AGBL1: variants seen among roughly 807,000 people sequenced by gnomAD.
The protein encoded by AGBL1 is cytosolic carboxypeptidase 4.
A neutral mutation model predicts 118.9 loss-of-function variants in AGBL1; 130 were observed. That is an observed-to-expected ratio of 1.09 (90% confidence interval 0.95 to 1.26). The LOEUF is 1.26. Among genes scored for constraint, AGBL1 ranks in the 50% most tolerant of loss-of-function variants. The probability of loss-of-function intolerance (pLI) is 0.00; values close to 1 mark genes in which losing one functional copy is unlikely to be tolerated. For missense variants in AGBL1, 1,584 were observed against 1,298.1 expected (o/e 1.22, Z -3.38); for synonymous variants, 555 against 478.9 (o/e 1.16, Z -2.08).
At chr15:86,091,496 T>G (rs1896022206) in intron 1 of AGBL1, among the ~76,000 whole-genome samples, 1 of 152,230 alleles carries the variant, frequency 6.6e-6, no homozygotes, top group African/African-American at 2.4e-5. Flanking sequence ...CATTTCTGTC[T>G]GCCTATGCAG....
rs1272552073 is a variant in AGBL1 at position 86,635,015 on chromosome 15, G to A, written c.2995-39258G>A. On this transcript the variant is annotated intron_variant, in intron 21 of 22. Coordinates refer to ENST00000614907, the MANE Select transcript of AGBL1 (RefSeq NM_001386094.1). ...CCACTAGATGTATATTGAAAAATGA[G>A]GACATTCTGCATAAACAAAACTGAT... Among the ~76,000 whole-genome samples, 10 of 152,004 alleles carry A rather than the reference G, an allele frequency of 6.6e-5. No homozygotes were observed. The East Asian group carries it at 1.7e-3, about 27-fold the overall frequency.
intron 22 of AGBL1, among the ~76,000 whole-genome samples, chr15:86,709,692 T>C (rs1009668288): frequency 1.3e-5 from 2 of 152,176 alleles, no homozygotes; most frequent in African/African-American, 4.8e-5. Flanking sequence ...AGGTATTTGA[T>C]CTATGGGAAG....
chr15:86,588,013 T>G (rs1845087605), intron 21 of AGBL1, among the ~76,000 whole-genome samples: 1 of 152,182 alleles, frequency 6.6e-6, no homozygotes, highest in Admixed American at 6.6e-5. Context: ...TGGAAAGGAT[T>G]ACTAATAACT....
chr15:86,192,411 A>T lies in AGBL1; in HGVS notation c.489-32503A>T, dbSNP rs2077737885. Among the ~76,000 whole-genome samples the T allele has an allele frequency of 2.0e-5, 3 of 151,814 alleles. No homozygotes were observed. The South Asian group carries it at 6.2e-4, about 31-fold the overall frequency. On this transcript the variant is annotated intron_variant, in intron 5 of 22. Transcript: ENST00000614907. ...TATAGTTTAAAACATGAATCCAATA[A>T]TGCAATGTACATACATATGTGTATG...
chr15:86,808,854 C>T (rs988458913), intron 22 of AGBL1, among the ~76,000 whole-genome samples: 4 of 151,836 alleles, frequency 2.6e-5, no homozygotes, highest in Non-Finnish European at 5.9e-5. Flanking sequence ...TGTCTCTCTG[C>T]TTTCCTTATC....
At position 86,892,776 on chromosome 15, in the gene AGBL1, T is replaced by C. The variant is rs1247950551; in HGVS notation, c.3159-14311T>C. Among the ~76,000 whole-genome samples the C allele has an allele frequency of 2.0e-5, 3 of 152,274 alleles. No homozygotes were observed. The East Asian group carries it at 5.8e-4, about 29-fold the overall frequency. ...GAAAAAAAAACCGGAGAGTAATAAA[T>C]TATGTCCTTCCTCTTAAATGTGTTA... On this transcript the variant is annotated intron_variant, in intron 22 of 22. Transcript: ENST00000614907.
chr15:86,600,070 A>G (rs2084470331), intron 21 of AGBL1, among the ~76,000 whole-genome samples: 1 of 152,146 alleles, frequency 6.6e-6, no homozygotes, highest in Non-Finnish European at 1.5e-5. Flanking sequence ...TAATTTTTGA[A>G]TAGTAAAAAG....
intron 17 of AGBL1, among the ~76,000 whole-genome samples, chr15:86,375,486 A>G (rs1181934975): frequency 1.3e-5 from 2 of 152,060 alleles, no homozygotes; most frequent in Non-Finnish European, 2.9e-5. Flanking sequence ...ACAGTTCAAG[A>G]TGAGATTTGG....
chr15:86,575,337 A>G (rs1159308332), intron 21 of AGBL1, among the ~76,000 whole-genome samples: 1 of 151,302 alleles, frequency 6.6e-6, no homozygotes, highest in African/African-American at 2.4e-5. Flanking sequence ...TGTCTCTATC[A>G]AAAAATCAAA....
rs191184487 is a variant in AGBL1 at position 86,623,504 on chromosome 15, A to G, written c.2995-50769A>G. On this transcript the variant is annotated intron_variant, in intron 21 of 22. Coordinates refer to ENST00000614907, the MANE Select transcript of AGBL1 (RefSeq NM_001386094.1). ...CGTTTTCCAACTCTAGGTTCTCTCT[A>G]CTGCCATTCTCTTTGTTCACTACCC... Among the ~76,000 whole-genome samples, 291 of 152,292 alleles carry G rather than the reference A, an allele frequency of 1.9e-3. 2 individuals carry two copies. Among genetic ancestry groups the G allele is most frequent in the Admixed American group, 3.7e-3 (56 of 15,286 alleles).
At chr15:86,271,781 T>C in intron 15 of AGBL1, 75 bp downstream of exon 15, 1 of 1,361,588 alleles carries the variant, frequency 7.3e-7, no homozygotes, top group Non-Finnish European at 1.0e-6. Context: ...TCCATATTGA[T>C]CTTATAAACA....
At chr15:86,814,086 A>C (rs2078827407) in intron 22 of AGBL1, among the ~76,000 whole-genome samples, 1 of 152,132 alleles carries the variant, frequency 6.6e-6, no homozygotes, top group Admixed American at 6.5e-5. Flanking sequence ...GACTGGTACC[A>C]GTCTGGTCCA....
downstream of AGBL1, among the ~76,000 whole-genome samples, chr15:86,916,908 C>T (rs558092921): frequency 5.9e-5 from 9 of 152,184 alleles, no homozygotes; most frequent in South Asian, 8.3e-4. Flanking sequence ...AGAGCAGTGC[C>T]GTTGATATCC....
At chr15:86,467,244 G>C (rs980918020) in intron 18 of AGBL1, among the ~76,000 whole-genome samples, 1 of 152,090 alleles carries the variant, frequency 6.6e-6, no homozygotes, top group Non-Finnish European at 1.5e-5. Context: ...CGCCCAGTCC[G>C]AACTTCCTGA....
chr15:86,248,555 A>G (rs1040060126), intron 7 of AGBL1, among the ~76,000 whole-genome samples: 16 of 152,160 alleles, frequency 1.1e-4, no homozygotes, highest in Non-Finnish European at 2.2e-4. Flanking sequence ...AGCAGAAATA[A>G]CAAAACCTAG....
chr15:86,706,192 A>T (rs1270384749), intron 22 of AGBL1, among the ~76,000 whole-genome samples: 1 of 152,124 alleles, frequency 6.6e-6, no homozygotes, highest in Non-Finnish European at 1.5e-5. Context: ...TATATGTCAT[A>T]GTTTACCGAT....
chr15:86,630,676 T>A (rs1379360013), intron 21 of AGBL1: 1 of 152,260 alleles, frequency 6.6e-6, no homozygotes, highest in Non-Finnish European at 1.5e-5. Context: ...CAATTTAACC[T>A]TCTGTCTTCT....
In AGBL1 at chr15:86,641,063, A is replaced by C. The variant is rs534046589; in HGVS notation, c.2995-33210A>C. ...GAACTCTTGACTTTGAATGAGTCCT[A>C]ATGTTTTCCTTCTTAATTGATAAAA... On this transcript the variant is annotated intron_variant, in intron 21 of 22. Transcript: ENST00000614907. Among the ~76,000 whole-genome samples, 3 of 151,934 alleles carry C rather than the reference A, an allele frequency of 2.0e-5. No individual in the cohort carries two copies. In the East Asian group the frequency reaches 5.8e-4, roughly 29 times the overall value.
chr15:86,942,649 C>G (rs2080767927), intron 23 of AGBL1, among the ~76,000 whole-genome samples: 1 of 152,190 alleles, frequency 6.6e-6, no homozygotes, highest in South Asian at 2.1e-4. Context: ...TCAATCTGAT[C>G]TTTGCCTAGA....
Sources: allele counts gnomAD v4.1 joint callset (sites outside exome capture counted in the v4.1 genomes callset), GRCh38; gene constraint gnomAD v4.1.1; transcripts MANE v1.5; gene names NCBI Gene and HGNC (gene_info 2026-07-23, HGNC 2026-07-21).